The following CCSER2 variants were observed in gnomAD, a reference collection of about 807,000 sequenced individuals.
CCSER2 encodes serine-rich coiled-coil domain-containing protein 2.
CCSER2 carries 46 observed loss-of-function variants against 92.3 expected under a neutral mutation model. That is an observed-to-expected ratio of 0.50 (90% CI 0.39 to 0.64). The LOEUF (loss-of-function observed/expected upper bound fraction) is 0.64, where lower values mean the gene tolerates loss of function less well. Ranked by LOEUF, CCSER2 falls within the 30% of genes least tolerant of loss-of-function variation. The pLI is 0.00. For missense variants in CCSER2, 1,244 were observed against 1,238.9 expected (o/e 1.00, Z -0.06); for synonymous variants, 433 against 431.4 (o/e 1.00, Z -0.04).
At chr10:84,493,225 G>T (rs1231019277) in intron 9 of CCSER2, among the ~76,000 whole-genome samples, 2 of 152,120 alleles carry the variant, frequency 1.3e-5, no homozygotes, top group African/African-American at 4.8e-5. Context: ...CTTTTTCTCA[G>T]TTGTCAAATA....
At chr10:84,467,200 T>G (rs1846497982) in intron 7 of CCSER2, among the ~76,000 whole-genome samples, 1 of 152,356 alleles carries the variant, frequency 6.6e-6, no homozygotes, top group African/African-American at 2.4e-5. Flanking sequence ...GGCTTTTGTG[T>G]CACTTCTCTC....
rs940315801 is a variant in CCSER2, at chr10:84,455,623, C to T, written c.2065-8310C>T. Reference sequence around the variant, plus strand: ...AAATAAGAACTGTATCAGTCTTGACCTTTTTTGAACTGCCTTCCACAGAAA... The same window carrying T: ...AAATAAGAACTGTATCAGTCTTGACTTTTTTTGAACTGCCTTCCACAGAAA... On this transcript the variant is annotated intron_variant, in intron 6 of 9. Transcript: ENST00000372088. The T allele has an allele frequency of 1.8e-5, 11 of 617,254 alleles. No homozygotes were observed. In the African/African-American group the frequency reaches 1.8e-4, roughly 10 times the overall value. The allele number at this position is 617,254 out of a possible 1,614,324, so 38.2% of individuals were successfully genotyped here. A position where few individuals can be genotyped will look rare whatever the true frequency, so the allele number is the denominator to read the frequency against.
chr10:84,494,003 A>G (rs1388889569), intron 9 of CCSER2, among the ~76,000 whole-genome samples: 1 of 152,192 alleles, frequency 6.6e-6, no homozygotes, highest in Non-Finnish European at 1.5e-5. Flanking sequence ...TGCAGTTCAC[A>G]ATAAAGTTCC....
intron 6 of CCSER2, among the ~76,000 whole-genome samples, chr10:84,447,330 T>C (rs984088212): frequency 2.6e-5 from 4 of 152,252 alleles, no homozygotes; most frequent in Non-Finnish European, 5.9e-5. Flanking sequence ...TTAATTTACA[T>C]TTCCCTGATT....
intron 3 of CCSER2, among the ~76,000 whole-genome samples, chr10:84,416,117 A>G (rs1302359946): frequency 6.6e-6 from 1 of 152,160 alleles, no homozygotes; most frequent in African/African-American, 2.4e-5. Context: ...GGTTGCAAAG[A>G]CCTGTGGGAG....
At chr10:84,436,354 TGC>T (rs1844141821) in intron 5 of CCSER2, among the ~76,000 whole-genome samples, 14 of 39,382 alleles carry the variant, frequency 3.6e-4, no homozygotes, top group Non-Finnish European at 5.0e-4. Flanking sequence ...AAAAAAAAAA[TGC>T]CGGGCGCGGT....
chr10:84,470,288 T>A (rs1173151612), intron 7 of CCSER2, 84 bp from the exon 8 acceptor site: 1 of 774,826 alleles, frequency 1.3e-6, no homozygotes, highest in Non-Finnish European at 1.8e-6. Flanking sequence ...GATAGTTTGT[T>A]CATTACTGTG....
At chr10:84,512,395 T>TGTGAGA (rs1554872145) in intron 9 of CCSER2, among the ~76,000 whole-genome samples, 8 of 129,814 alleles carry the variant, frequency 6.2e-5, no homozygotes, top group African/African-American at 2.0e-4. Context: ...TGTGTGTGTG[T>TGTGAGA]GAGAGAGAGA....
chr10:84,379,723 AT>A (rs1840792420), intron 3 of CCSER2, among the ~76,000 whole-genome samples: 1 of 152,152 alleles, frequency 6.6e-6, no homozygotes, highest in Admixed American at 6.5e-5. Flanking sequence ...TTTTGTACGT[AT>A]TTTACAACTT....
chr10:84,488,332 T>A (rs1847933986), intron 9 of CCSER2, among the ~76,000 whole-genome samples: 1 of 152,220 alleles, frequency 6.6e-6, no homozygotes, highest in African/African-American at 2.4e-5. Context: ...CTCCTCCTTG[T>A]ACCTCTGGTA....
intron 1 of CCSER2, among the ~76,000 whole-genome samples, chr10:84,342,338 T>G (rs961240661): frequency 8.5e-5 from 13 of 152,176 alleles, no homozygotes; most frequent in African/African-American, 3.1e-4. Flanking sequence ...CTGTCACATA[T>G]TCCTTATTTT....
At chr10:84,449,698 T>C (rs1845153172) in intron 6 of CCSER2, among the ~76,000 whole-genome samples, 1 of 151,892 alleles carries the variant, frequency 6.6e-6, no homozygotes, top group South Asian at 2.1e-4. Flanking sequence ...CTAGTAAAAA[T>C]ACAAAATTAG....
At chr10:84,473,138 T>G (rs1049350633) in intron 8 of CCSER2, 1 of 152,204 alleles carries the variant, frequency 6.6e-6, no homozygotes, top group African/African-American at 2.4e-5. Flanking sequence ...AAAGCATTAA[T>G]CTTTATCAGT....
chr10:84,397,986 C>T (rs1841930851), intron 3 of CCSER2, among the ~76,000 whole-genome samples: 1 of 152,216 alleles, frequency 6.6e-6, no homozygotes, highest in African/African-American at 2.4e-5. Context: ...TTCGTTTTCT[C>T]TGGCTGCTGT....
At chr10:84,497,492 T>C (rs2131827732) in intron 9 of CCSER2, among the ~76,000 whole-genome samples, 1 of 152,344 alleles carries the variant, frequency 6.6e-6, no homozygotes, top group African/African-American at 2.4e-5. Context: ...GATTTGTTGG[T>C]CTTGGGGAAA....
chr10:84,484,108 G>C (rs1038787543), intron 9 of CCSER2, among the ~76,000 whole-genome samples: 1 of 150,096 alleles, frequency 6.7e-6, no homozygotes, highest in Non-Finnish European at 1.5e-5. Flanking sequence ...CAAGTAGCTG[G>C]GACTACAGGT....
intron 9 of CCSER2, among the ~76,000 whole-genome samples, chr10:84,503,682 A>G (rs1316771961): frequency 1.3e-5 from 2 of 152,234 alleles, no homozygotes; most frequent in East Asian, 3.8e-4. Flanking sequence ...GTGTCTAACT[A>G]AGCTTTTAAA....
intron 1 of CCSER2, among the ~76,000 whole-genome samples, chr10:84,368,733 A>T (rs1297228483): frequency 2.0e-5 from 3 of 152,010 alleles, no homozygotes; most frequent in Non-Finnish European, 2.9e-5. Flanking sequence ...TGCATGAATG[A>T]ATTGTGTAGT....
Position 84,392,145 on chromosome 10 carries a change from GGAA to G in CCSER2, c.1614+18332_1614+18334del, listed in dbSNP as rs1420766930. Reference sequence around the variant, plus strand: ...AGGGAAAATACTACCCTTTACGGGGGGAAGGGTAAACCGGTAGGGAATACACTA... The same window carrying G: ...AGGGAAAATACTACCCTTTACGGGGGGGGTAAACCGGTAGGGAATACACTA... On this transcript the variant is annotated intron_variant, in intron 3 of 9. Coordinates refer to ENST00000372088, the MANE Select transcript of CCSER2 (RefSeq NM_001284240.2). The G allele has an allele frequency of 1.7e-5, 10 of 600,986 alleles. No homozygotes were observed. The East Asian group carries it at 2.9e-4, about 18-fold the overall frequency. 37.2% of individuals were successfully genotyped at this position (600,986 alleles called of 1,614,324 possible). A position where few individuals can be genotyped will look rare whatever the true frequency, so the allele number is the denominator to read the frequency against.
Sources: allele counts gnomAD v4.1 joint callset (sites outside exome capture counted in the v4.1 genomes callset), GRCh38; gene constraint gnomAD v4.1.1; transcripts MANE v1.5; gene names NCBI Gene and HGNC (gene_info 2026-07-23, HGNC 2026-07-21).